CD300LG: variants seen among roughly 807,000 people sequenced by gnomAD.
CD300LG encodes the protein CMRF35-like molecule 9.
Under a neutral mutation model 31.5 loss-of-function variants are expected in CD300LG, and 29 were observed. The observed-to-expected ratio is 0.92, with a 90% CI of 0.68 to 1.25. CD300LG has a LOEUF of 1.25. CD300LG is among the 50% of genes most tolerant of loss of function. The pLI is 0.00. For synonymous variants in CD300LG, 175 were observed against 177.2 expected (o/e 0.99, Z 0.10); for missense variants, 396 against 417.6 (o/e 0.95, Z 0.45).
Position 43,857,457 on chromosome 17 carries a change from C to G in CD300LG, c.885+301C>G, listed in dbSNP as rs1156736820. The stretch of plus-strand genomic sequence containing the variant: ...TCCAGGCGCCTTCTTTCCATCCCCC[C>G]TTTTAGAATCACAGAACATCAGAGC... On this transcript the variant is annotated intron_variant, in intron 6 of 6. Coordinates refer to ENST00000317310, the MANE Select transcript of CD300LG (RefSeq NM_145273.4). 9 of 1,536,996 alleles carry G rather than the reference C, an allele frequency of 5.9e-6. No homozygotes were observed. The African/African-American group carries it at 1.2e-4, about 21-fold the overall frequency.
At chr17:43,858,047 C>T (rs2046575511) in intron 6 of CD300LG, 2 of 1,436,740 alleles carry the variant, frequency 1.4e-6, no homozygotes, top group Non-Finnish European at 1.8e-6. Context: ...GGCCCCTCCT[C>T]CCTCTGCTGT....
intron 3 of CD300LG, 96 bp downstream of exon 3, chr17:43,853,109 C>T (rs1214921301): frequency 9.8e-7 from 1 of 1,018,242 alleles, no homozygotes; most frequent in Admixed American, 2.2e-5. Context: ...AGTTTATGGC[C>T]ACCTAGGTGT....
intron 4 of CD300LG, among the ~76,000 whole-genome samples, chr17:43,854,544 G>A (rs938458238): frequency 2.0e-5 from 3 of 152,268 alleles, no homozygotes; most frequent in South Asian, 2.1e-4. Flanking sequence ...GCGGGGATCC[G>A]TTCCACACCT....
rs562923962 is a variant in CD300LG, at chr17:43,851,902, G to A, written c.380-1010G>A. On this transcript the variant is annotated intron_variant, in intron 2 of 6. Transcript: ENST00000317310. Reference sequence around the variant, plus strand: ...AATTGCAGTGTAAGTGAGCATTAGCGCCACTGGAGGCACGCACAGGGGACT... The same window carrying A: ...AATTGCAGTGTAAGTGAGCATTAGCACCACTGGAGGCACGCACAGGGGACT... Among the ~76,000 whole-genome samples the A allele has an allele frequency of 2.6e-5, 4 of 152,158 alleles. No individual in the cohort carries two copies. In the South Asian group the frequency reaches 8.3e-4, roughly 32 times the overall value.
chr17:43,851,351 C>T (rs982743727), intron 2 of CD300LG, among the ~76,000 whole-genome samples: 3 of 152,134 alleles, frequency 2.0e-5, no homozygotes, highest in African/African-American at 4.8e-5. Context: ...AGGAAATGCT[C>T]ACTGGGGCAT....
At chr17:43,851,457 G>A (rs1368065570) in intron 2 of CD300LG, among the ~76,000 whole-genome samples, 2 of 152,020 alleles carry the variant, frequency 1.3e-5, no homozygotes, top group South Asian at 4.2e-4. Context: ...AGCATTTTTG[G>A]ATAGGGGATA....
Position 43,853,116 on chromosome 17 carries a change from G to A in CD300LG, c.481+103G>A, listed in dbSNP as rs141056978. The A allele has an allele frequency of 1.0e-3, 997 of 957,048 alleles. 10 individuals are homozygous for A. The African/African-American group carries it at 0.015, about 14-fold the overall frequency. The allele number at this position is 957,048 out of a possible 1,614,324, so 59.3% of individuals were successfully genotyped here. ...GACACAATAGTTTATGGCCACCTAG[G>A]TGTCCCCACAAGCCTGGGAGCTGGG... is the stretch of plus-strand genomic sequence containing the variant. On this transcript the variant is annotated intron_variant, in intron 3 of 6. Transcript: ENST00000317310.
At position 43,848,835 on chromosome 17, in the gene CD300LG, T is replaced by TG; in HGVS notation, c.325dup (p.Val109GlyfsTer8). On this transcript the variant is annotated frameshift_variant, in exon 2 of 7. Coordinates refer to ENST00000317310, the MANE Select transcript of CD300LG (RefSeq NM_145273.4). LOFTEE classifies it high-confidence loss of function. The stretch of plus-strand genomic sequence containing the variant: ...TGCAAGACGCTGGGGAGTACTGGTG[T>TG]GGGGTCGAAAAACGGGGCCCCGATG... 6.2e-7 allele frequency: 1 copy of TG among 1,613,890 alleles called. No homozygotes were observed. Among genetic ancestry groups the TG allele is most frequent in the South Asian group, 1.1e-5 (1 of 91,056 alleles).
chr17:43,854,707 C>T (rs889160209), intron 4 of CD300LG, among the ~76,000 whole-genome samples: 1 of 152,134 alleles, frequency 6.6e-6, no homozygotes, highest in Non-Finnish European at 1.5e-5. Flanking sequence ...TCCCCACACA[C>T]CACTGCATGA....
chr17:43,848,941 G>A (rs778614514), intron 2 of CD300LG, 48 bp downstream of exon 2: 1 of 1,518,670 alleles, frequency 6.6e-7, no homozygotes, highest in South Asian at 1.2e-5. Context: ...AGCTGCAGAG[G>A]GAAGAGGGAG....
chr17:43,850,123 G>A lies in CD300LG; in HGVS notation c.379+1230G>A, dbSNP rs148037953. Among the ~76,000 whole-genome samples, 713 of 152,280 alleles carry A rather than the reference G, an allele frequency of 4.7e-3. 6 individuals carry two copies. Among genetic ancestry groups the A allele is most frequent in the African/African-American group, 0.017 (686 of 41,544 alleles). ...CGGACTCTATTGGCCTCTCTCTGAT[G>A]GCAGTTGGGATGTTGAAAATGAAGA... On this transcript the variant is annotated intron_variant, in intron 2 of 6. Coordinates refer to ENST00000317310, the MANE Select transcript of CD300LG (RefSeq NM_145273.4).
Position 43,855,193 on chromosome 17 carries a change from C to G in CD300LG, c.720-14C>G. On this transcript the variant is annotated splice_polypyrimidine_tract_variant and intron_variant, in intron 4 of 6. Transcript: ENST00000317310. ...CTGGTAACAGCCACTAGGCTCCTTG[C>G]GTCTCGTCTCCAGGGTGTCCATCCC... 2 of 1,573,074 alleles carry G rather than the reference C, an allele frequency of 1.3e-6. No homozygotes were observed. Among genetic ancestry groups the G allele is most frequent in the South Asian group, 2.3e-5 (2 of 85,324 alleles).
chr17:43,848,946 A>G, intron 2 of CD300LG, 53 bp downstream of exon 2: 5 of 1,450,082 alleles, frequency 3.4e-6, no homozygotes, highest in Non-Finnish European at 2.9e-6. Context: ...CAGAGGGAAG[A>G]GGGAGGGGTG....
At chr17:43,848,916 C>G (rs1178271588) in intron 2 of CD300LG, 23 bp downstream of exon 2, 8 of 1,594,838 alleles carry the variant, frequency 5.0e-6, no homozygotes, top group Non-Finnish European at 6.0e-6. Context: ...TCTCCTTCCC[C>G]AGGCTGGGGA....
At chr17:43,858,086 T>C in intron 6 of CD300LG, 3 of 1,400,956 alleles carry the variant, frequency 2.1e-6, no homozygotes, top group Non-Finnish European at 2.8e-6. Flanking sequence ...TCCATTCCTT[T>C]AAACACAAGG....
rs138225813 is a variant in CD300LG, at chr17:43,858,900, CCATT to C, written c.885+1746_885+1749del. On this transcript the variant is annotated intron_variant, in intron 6 of 6. Transcript: ENST00000317310. ...TCTTGCTAGAAGGACTGCCATCCAT[CCATT>C]CGTCTGCCTCATCTTTTATTGAACA... 4.2e-3 allele frequency among the ~76,000 whole-genome samples: 640 copies of C among 152,312 alleles called. 2 individuals carry two copies. Among genetic ancestry groups the C allele is most frequent in the African/African-American group, 0.014 (573 of 41,560 alleles).
intron 6 of CD300LG, among the ~76,000 whole-genome samples, chr17:43,860,922 C>T (rs2046639941): frequency 6.6e-6 from 1 of 152,178 alleles, no homozygotes; most frequent in South Asian, 2.1e-4. Flanking sequence ...GGAAACTGAG[C>T]TTCAGAGAGG....
intron 2 of CD300LG, among the ~76,000 whole-genome samples, chr17:43,851,451 T>G (rs1598391837): frequency 2.0e-5 from 3 of 151,910 alleles, no homozygotes; most frequent in South Asian, 2.1e-4. Flanking sequence ...TTCCCAAGCA[T>G]TTTTGGATAG....
intron 1 of CD300LG, among the ~76,000 whole-genome samples, chr17:43,847,810 G>A (rs1315154141): frequency 1.3e-5 from 2 of 151,928 alleles, no homozygotes; most frequent in Non-Finnish European, 2.9e-5. Flanking sequence ...AAATTAGCCA[G>A]GCATGGTGGT....
Sources: gnomAD v4.1 joint callset for allele counts (sites outside exome capture counted in the v4.1 genomes callset) on GRCh38, gnomAD v4.1.1 for gene constraint, MANE v1.5 for transcripts, NCBI Gene and HGNC (gene_info 2026-07-23, HGNC 2026-07-21) for gene names.